Variants in STK32B observed in about 807,000 individuals in gnomAD.
STK32B encodes serine/threonine kinase 32B.
Under a neutral mutation model 52.6 loss-of-function variants are expected in STK32B, and 43 were observed. The ratio of observed to expected loss-of-function variants is 0.82; its 90% confidence interval spans 0.64 to 1.05. The LOEUF is 1.05. STK32B is among the 50% of genes least tolerant of loss of function. STK32B has a pLI of 0.00. For synonymous variants in STK32B, 238 were observed against 204.3 expected (o/e 1.17, Z -1.41); for missense variants, 621 against 534.6 (o/e 1.16, Z -1.59).
chr4:5,483,187 G>A (rs929265552), intron 11 of STK32B, among the ~76,000 whole-genome samples: 2 of 151,600 alleles, frequency 1.3e-5, no homozygotes, highest in African/African-American at 2.4e-5. Flanking sequence ...TGTACCTCTG[G>A]TAGAATTTGG....
intron 4 of STK32B, among the ~76,000 whole-genome samples, chr4:5,343,792 A>G (rs1733263713): frequency 6.6e-6 from 1 of 152,150 alleles, no homozygotes; most frequent in South Asian, 2.1e-4. Flanking sequence ...CAACCTACAA[A>G]TATTCTTTGA....
At chr4:5,284,263 A>G (rs1434360770) in intron 3 of STK32B, among the ~76,000 whole-genome samples, 3 of 152,324 alleles carry the variant, frequency 2.0e-5, no homozygotes, top group South Asian at 4.1e-4. Context: ...TCAAACCACA[A>G]AAGAAGACAG....
intron 5 of STK32B, among the ~76,000 whole-genome samples, chr4:5,415,589 C>T (rs1449657026): frequency 6.6e-6 from 1 of 152,198 alleles, no homozygotes; most frequent in African/African-American, 2.4e-5. Flanking sequence ...CTGTGCATCC[C>T]AGCAAAGACC....
intron 3 of STK32B, among the ~76,000 whole-genome samples, chr4:5,254,965 A>ATATATATATATATATATATATATATATAT (rs1726194461): frequency 2.1e-5 from 3 of 144,332 alleles, no homozygotes; most frequent in African/African-American, 8.1e-5. Context: ...ATCATTCACT[A>ATATATATATATATATATATATATATATAT]ATATATATAT....
At chr4:5,451,979 A>G (rs540355437) in intron 7 of STK32B, among the ~76,000 whole-genome samples, 1 of 152,296 alleles carries the variant, frequency 6.6e-6, no homozygotes, top group South Asian at 2.1e-4. Flanking sequence ...GAAAGCCTGC[A>G]TCCTTCCCAC....
intron 11 of STK32B, among the ~76,000 whole-genome samples, chr4:5,479,444 G>A (rs1327309951): frequency 1.3e-5 from 2 of 152,176 alleles, no homozygotes; most frequent in Non-Finnish European, 2.9e-5. Context: ...CTAAGAATTG[G>A]AGGAATATTC....
At chr4:5,295,975 G>A (rs28851939) in intron 3 of STK32B, among the ~76,000 whole-genome samples, 4,298 of 151,642 alleles carry the variant, frequency 0.028, 76 homozygotes, top group East Asian at 0.072. Context: ...TGTCTTTCTC[G>A]TTGGTTTCAA....
At chr4:5,263,337 CTGA>C in intron 3 of STK32B, among the ~76,000 whole-genome samples, 1 of 148,862 alleles carries the variant, frequency 6.7e-6, no homozygotes, top group Non-Finnish European at 1.5e-5. Flanking sequence ...GTGGTCCCAG[CTGA>C]TGATAAGATC....
chr4:5,453,446 T>C lies in STK32B; in HGVS notation c.667-3361T>C, dbSNP rs983041082. Among the ~76,000 whole-genome samples the C allele has an allele frequency of 6.6e-6, 1 of 152,124 alleles. No individual in the cohort carries two copies. The highest frequency in any genetic ancestry group is 2.4e-5 in the African/African-American group (1 of 41,438). ...ATGAGAATCGGGGACATTGGGAAAG[T>C]CTCTTTTCATCTCCCAGCCTCAGTT... On this transcript the variant is annotated intron_variant, in intron 7 of 11. Transcript: ENST00000282908. The surrounding 1 kb of genome is among the most constrained non-coding windows in gnomAD (Gnocchi z 4.0).
chr4:5,247,571 C>T (rs1577241672), intron 3 of STK32B, among the ~76,000 whole-genome samples: 2 of 152,132 alleles, frequency 1.3e-5, no homozygotes, highest in African/African-American at 2.4e-5. Flanking sequence ...GTGTACTGCA[C>T]CCACTGTCCT....
intron 4 of STK32B, among the ~76,000 whole-genome samples, chr4:5,345,174 T>A (rs28546319): frequency 0.033 from 5,038 of 151,260 alleles, 144 homozygotes; most frequent in African/African-American, 0.077. Flanking sequence ...AATAAGAAAA[T>A]TTTAAAGTAA....
chr4:5,318,631 G>C (rs1348982654), intron 3 of STK32B, among the ~76,000 whole-genome samples: 1 of 152,002 alleles, frequency 6.6e-6, no homozygotes, highest in East Asian at 1.9e-4. Flanking sequence ...TCACAGGGTA[G>C]GTACTTTCAG....
chr4:5,256,879 T>C (rs1726338716), intron 3 of STK32B, among the ~76,000 whole-genome samples: 1 of 152,176 alleles, frequency 6.6e-6, no homozygotes, highest in African/African-American at 2.4e-5. Context: ...AGGATGGATA[T>C]TGGGGCTGCC....
chr4:5,436,735 T>G, intron 6 of STK32B: 1 of 947,282 alleles, frequency 1.1e-6, no homozygotes, highest in Non-Finnish European at 1.3e-6. Flanking sequence ...GGGAATTCCC[T>G]GAACCTAGGA....
At position 5,456,917 on chromosome 4, in the gene STK32B, G is replaced by A. The variant is rs1248556876; in HGVS notation, c.777G>A (p.Leu259=). 1.9e-6 allele frequency: 3 copies of A among 1,551,310 alleles called. No homozygotes were observed. The African/African-American group carries it at 4.1e-5, about 21-fold the overall frequency. The stretch of plus-strand genomic sequence containing the variant: ...GGTGCAAGGGGATGGTGGCCCTGCT[G>A]AGGAAGGTAAGGGGGCAGCTTCCAG... ...STWCKGMVAL[L]RKLLTKDPES... is the part of the protein sequence containing the mutation. Residue 259 remains leucine, a synonymous_variant, in exon 8 of 12, where the codon CTG becomes CTA. Transcript: ENST00000282908.
the STK32B span, among the ~76,000 whole-genome samples, chr4:5,028,596 T>A: frequency 2.0e-5 from 3 of 152,358 alleles, no homozygotes; most frequent in Non-Finnish European, 2.9e-5. Flanking sequence ...TGCTTGGGCT[T>A]TGCTTTTGGG....
At position 5,367,339 on chromosome 4, in the gene STK32B, A is replaced by T. The variant is rs181060586; in HGVS notation, c.435-30868A>T. 1.7e-3 allele frequency among the ~76,000 whole-genome samples: 262 copies of T among 152,258 alleles called. 2 individuals are homozygous for T. The highest frequency in any genetic ancestry group is 6.0e-3 in the African/African-American group (251 of 41,552). On this transcript the variant is annotated intron_variant, in intron 4 of 11. Transcript: ENST00000282908. ...CTTAAATGTGTGGTTGCACAGACAG[A>T]ACTGGAGCAAAAGGGTGAACGTGAC...
intron 1 of STK32B, among the ~76,000 whole-genome samples, chr4:5,064,024 C>T (rs1011755418): frequency 6.6e-6 from 1 of 151,904 alleles, no homozygotes; most frequent in African/African-American, 2.4e-5. Flanking sequence ...TGACTTGTGG[C>T]TCTTTATATA....
rs367714408 is a variant in STK32B, at chr4:5,398,272, G to A, written c.472+28G>A. 34 of 1,613,548 alleles carry A rather than the reference G, an allele frequency of 2.1e-5. No individual in the cohort carries two copies. The highest frequency in any genetic ancestry group is 4.0e-5 in the African/African-American group (3 of 74,894). ...AAGCCTGCTACTAATCCTTTACAGG[G>A]ACTCTCAGTGGAAAGTTTGAGGCAC... On this transcript the variant is annotated intron_variant, in intron 5 of 11. Transcript: ENST00000282908. The surrounding 1 kb of genome is among the most constrained non-coding windows in gnomAD (Gnocchi z 4.9).
Sources: gnomAD v4.1 joint callset for allele counts (sites outside exome capture counted in the v4.1 genomes callset) on GRCh38, gnomAD v4.1.1 for gene constraint, Gnocchi (gnomAD v3.1) non-coding constraint, MANE v1.5 for transcripts, NCBI Gene and HGNC (gene_info 2026-07-23, HGNC 2026-07-21) for gene names.